Variants in RAB40C observed in about 807,000 individuals in gnomAD.
RAB40C encodes the protein RAB40C, member RAS oncogene family, also known as ras-related protein Rab-40C.
Under a neutral mutation model 28.1 loss-of-function variants are expected in RAB40C, and 8 were observed. That is an observed-to-expected ratio of 0.28 (90% CI 0.17 to 0.51). RAB40C has a LOEUF of 0.51. Ranked by LOEUF, RAB40C falls within the 20% of genes least tolerant of loss-of-function variation. The pLI is 0.97. For missense variants in RAB40C, 288 were observed against 405.9 expected (o/e 0.71, Z 2.50); for synonymous variants, 201 against 171.7 (o/e 1.17, Z -1.34).
chr16:620,122 C>T lies in RAB40C; in HGVS notation c.264+1862C>T, dbSNP rs111923530. Among the ~76,000 whole-genome samples, 1,331 of 152,308 alleles carry T rather than the reference C, an allele frequency of 8.7e-3. 26 individuals are homozygous for T. Among genetic ancestry groups the T allele is most frequent in the African/African-American group, 0.03 (1,235 of 41,566 alleles). On this transcript the variant is annotated intron_variant, in intron 3 of 5. Coordinates refer to ENST00000248139, the MANE Select transcript of RAB40C (RefSeq NM_021168.5). ...ATTGAAAGAGGAGTTGGGGCTGGTG[C>T]GGTGGTTCACGCCTGTAATCCCAGC...
At chr16:626,506 C>T (rs1029749674) in intron 5 of RAB40C, among the ~76,000 whole-genome samples, 1 of 152,138 alleles carries the variant, frequency 6.6e-6, no homozygotes, top group Admixed American at 6.5e-5. Context: ...TCTGCTCTTC[C>T]TGGGTAGCCA....
chr16:615,348 G>A (rs948495764), intron 1 of RAB40C, among the ~76,000 whole-genome samples: 8 of 152,210 alleles, frequency 5.3e-5, no homozygotes, highest in Non-Finnish European at 1.0e-4. Context: ...GGCTGGGCCC[G>A]CACGGAGAGA....
In RAB40C at chr16:599,067, A is replaced by G. The variant is rs868640492; in HGVS notation, c.142+8634A>G. On this transcript the variant is annotated intron_variant, in intron 1 of 5. Transcript: ENST00000248139. ...TCAGACCTAGCTGGGAGGGGCGGTAATAGGGTAGATGACATCAGGATTCAG... is the reference window on the plus strand; with the variant it reads ...TCAGACCTAGCTGGGAGGGGCGGTAGTAGGGTAGATGACATCAGGATTCAG... Among the ~76,000 whole-genome samples the G allele has an allele frequency of 3.7e-4, 57 of 152,188 alleles. 1 individual carries two copies. The highest frequency in any genetic ancestry group is 3.7e-3 in the Admixed American group (57 of 15,280).
chr16:605,439 A>G (rs1048989999), intron 1 of RAB40C, among the ~76,000 whole-genome samples: 1 of 152,198 alleles, frequency 6.6e-6, no homozygotes, highest in Non-Finnish European at 1.5e-5. Flanking sequence ...CGGCCTGAGA[A>G]AGCATCAGCC....
At chr16:591,364 A>G (rs2035993543) in intron 1 of RAB40C, among the ~76,000 whole-genome samples, 2 of 151,766 alleles carry the variant, frequency 1.3e-5, no homozygotes, top group Non-Finnish European at 2.9e-5. Flanking sequence ...ATCTGGGGAA[A>G]GGTGTCATGG....
chr16:622,503 G>A (rs45593333), intron 3 of RAB40C, among the ~76,000 whole-genome samples: 103 of 152,288 alleles, frequency 6.8e-4, no homozygotes, highest in Admixed American at 1.8e-3. Context: ...TAGAGCACTC[G>A]CTCGTTCTTT....
intron 3 of RAB40C, 24 bp downstream of exon 3, chr16:618,284 A>T: frequency 6.3e-7 from 1 of 1,586,704 alleles, no homozygotes; most frequent in Admixed American, 1.9e-5. Context: ...CGCTCTTTCC[A>T]TTGCTTTTCA....
At chr16:609,511 GTCACCAGCT>G (rs2036436926) in intron 1 of RAB40C, among the ~76,000 whole-genome samples, 1 of 152,032 alleles carries the variant, frequency 6.6e-6, no homozygotes, top group Non-Finnish European at 1.5e-5. Flanking sequence ...AGAAGCCAGA[GTCACCAGCT>G]TCCTGGCTAG....
In RAB40C at chr16:595,671, C is replaced by T. The variant is rs372748948; in HGVS notation, c.142+5238C>T. On this transcript the variant is annotated intron_variant, in intron 1 of 5. Transcript: ENST00000248139. The stretch of plus-strand genomic sequence containing the variant: ...AGGCCGGAGTGCAGTGGCACGGTCT[C>T]GGCTCACTGCAAGCTCCACCTCCCG... Among the ~76,000 whole-genome samples the T allele has an allele frequency of 6.7e-4, 101 of 149,906 alleles. No homozygotes were observed. The South Asian group carries it at 0.014, about 21-fold the overall frequency.
At chr16:614,712 T>C (rs2036553050) in intron 1 of RAB40C, among the ~76,000 whole-genome samples, 1 of 151,584 alleles carries the variant, frequency 6.6e-6, no homozygotes, top group Admixed American at 6.6e-5. Flanking sequence ...CTCGTCCCAA[T>C]GGTGAACTGC....
chr16:618,359 C>T (rs775870936), intron 3 of RAB40C, 99 bp downstream of exon 3: 2 of 1,211,368 alleles, frequency 1.7e-6, no homozygotes, highest in Non-Finnish European at 2.3e-6. Context: ...CAAGGACTTT[C>T]TTTCTTTATA....
At chr16:614,880 C>T (rs1189739434) in intron 1 of RAB40C, among the ~76,000 whole-genome samples, 1 of 152,054 alleles carries the variant, frequency 6.6e-6, no homozygotes, top group African/African-American at 2.4e-5. Context: ...AACTGCCAAA[C>T]TTTACCTCGT....
chr16:618,154 TCA>T (rs2036627395), intron 2 of RAB40C, 44 bp from the exon 3 acceptor site: 1 of 1,588,658 alleles, frequency 6.3e-7, no homozygotes, highest in Non-Finnish European at 8.6e-7. Context: ...GGTGAGCCTC[TCA>T]CAGGGACCAC....
chr16:622,547 C>CA (rs1237238789), intron 3 of RAB40C, among the ~76,000 whole-genome samples: 4 of 152,200 alleles, frequency 2.6e-5, no homozygotes, highest in African/African-American at 7.2e-5. Context: ...CTGGCTCTGT[C>CA]GCCAGGCTGG....
At chr16:623,636 C>CAAA (rs781008758) in intron 3 of RAB40C, among the ~76,000 whole-genome samples, 1 of 98,218 alleles carries the variant, frequency 1.0e-5, no homozygotes. Context: ...GACTCCGTCT[C>CAAA]AAAAAAAAAA....
intron 1 of RAB40C, among the ~76,000 whole-genome samples, chr16:608,392 T>A (rs554381244): frequency 2.6e-5 from 4 of 152,144 alleles, no homozygotes; most frequent in Non-Finnish European, 5.9e-5. Context: ...ATCTTATCAC[T>A]CCTGAGCCTG....
chr16:619,942 C>T (rs1292270102), intron 3 of RAB40C, among the ~76,000 whole-genome samples: 2 of 152,228 alleles, frequency 1.3e-5, no homozygotes, highest in East Asian at 1.9e-4. Flanking sequence ...CCTGGGAGTT[C>T]CCTCGGAGAT....
chr16:613,360 C>T (rs569749887), intron 1 of RAB40C, among the ~76,000 whole-genome samples: 10 of 150,816 alleles, frequency 6.6e-5, no homozygotes, highest in South Asian at 2.1e-4. Flanking sequence ...CAGCTGCCCT[C>T]GTCTTTAGAT....
intron 3 of RAB40C, among the ~76,000 whole-genome samples, chr16:623,096 GC>G (rs1289394759): frequency 6.6e-6 from 1 of 152,198 alleles, no homozygotes; most frequent in Admixed American, 6.5e-5. Context: ...GGAAGTGGGG[GC>G]CCGCTCAGGG....
Sources: allele counts gnomAD v4.1 joint callset (sites outside exome capture counted in the v4.1 genomes callset), GRCh38; gene constraint gnomAD v4.1.1; transcripts MANE v1.5; gene names NCBI Gene and HGNC (gene_info 2026-07-23, HGNC 2026-07-21).